MSL3: variants seen among roughly 807,000 people sequenced by gnomAD.
MSL3 encodes MSL3-like 1.
A neutral mutation model predicts 37.2 loss-of-function variants in MSL3; 5 were observed. The ratio of observed to expected loss-of-function variants is 0.13; its 90% CI spans 0.07 to 0.28. The LOEUF is 0.28. MSL3 is among the 10% of genes least tolerant of loss of function. MSL3 has a pLI of 1.00. For missense variants in MSL3, 315 were observed against 408.5 expected (o/e 0.77, Z 1.97); for synonymous variants, 149 against 147.6 (o/e 1.01, Z -0.07).
At chrX:11,765,325 C>T in intron 8 of MSL3, 142 bp from the exon 9 acceptor site, 4 of 654,602 alleles carry the variant, frequency 6.1e-6, no homozygotes, top group Non-Finnish European at 8.9e-6. Context: ...GCGTGCCTTG[C>T]AGAGTTATGG....
chrX:11,772,070 A>G lies in MSL3; in HGVS notation c.1282-86A>G. On this transcript the variant is annotated intron_variant, in intron 10 of 12. Coordinates refer to ENST00000312196, the MANE Select transcript of MSL3 (RefSeq NM_078629.4). ...TCCAATCACTTATTTTTTCCCCTCT[A>G]CGTACAATTTACTGTCATAATTGTT... is the stretch of plus-strand genomic sequence containing the variant. 4 of 636,278 alleles carry G rather than the reference A, an allele frequency of 6.3e-6. No homozygotes were observed. The South Asian group carries it at 1.1e-4, about 17-fold the overall frequency. The allele number at this position is 636,278 out of a possible 1,213,427, so 52.4% of individuals were successfully genotyped here.
At chrX:11,765,172 G>T (rs73188562) in intron 8 of MSL3, among the ~76,000 whole-genome samples, 19 of 111,892 alleles carry the variant, frequency 1.7e-4, no homozygotes, top group African/African-American at 6.2e-4. Context: ...CACTAGATGC[G>T]GATAACACCT....
chrX:11,759,089 C>A (rs2053101795), intron 1 of MSL3, among the ~76,000 whole-genome samples: 1 of 111,736 alleles, frequency 8.9e-6, no homozygotes, highest in South Asian at 3.7e-4. Flanking sequence ...CTCCCAGATC[C>A]CCAAGGAAAG....
At chrX:11,759,903 A>G (rs2053113475) in intron 2 of MSL3, 28 bp downstream of exon 2, 1 of 1,200,371 alleles carries the variant, frequency 8.3e-7, no homozygotes. Context: ...ACCAGACTGA[A>G]AATTGATTGT....
intron 1 of MSL3, 142 bp from the exon 2 acceptor site, chrX:11,759,646 TGAAAG>T (rs1472007693): frequency 2.4e-5 from 27 of 1,104,816 alleles, no homozygotes; most frequent in Non-Finnish European, 3.2e-5. Flanking sequence ...GGGAAAAAAA[TGAAAG>T]GAAAAATATT....
In MSL3 at chrX:11,760,863, G is replaced by A. The variant is rs768171462; in HGVS notation, c.308G>A (p.Arg103His). 6 of 1,198,744 alleles carry A rather than the reference G, an allele frequency of 5.0e-6. No individual in the cohort carries two copies. Among genetic ancestry groups the A allele is most frequent in the East Asian group, 6.0e-5 (2 of 33,468 alleles). The change falls in exon 4 of 13, where the codon CGC becomes CAC. Residue 103 changes from arginine to histidine, a missense_variant. By Grantham distance (29) the Arg-to-His change is conservative. Coordinates refer to ENST00000312196, the MANE Select transcript of MSL3 (RefSeq NM_078629.4). ...RLRSTGRKKK[R>H]CRLPGVDSVL... ...AGGAGCACAGGAAGAAAGAAGAAGC[G>A]CTGCAGGTTGCCTGGTGTGGACTCT...
intron 12 of MSL3, among the ~76,000 whole-genome samples, chrX:11,774,300 C>T (rs1252162311): frequency 1.8e-5 from 2 of 111,714 alleles, no homozygotes; most frequent in Non-Finnish European, 3.8e-5. Flanking sequence ...TGTTTATAAT[C>T]GTTTTTTATT....
chrX:11,774,965 A>ATTT lies in MSL3; in HGVS notation c.1467-7_1467-5dup. On this transcript the variant is annotated splice_polypyrimidine_tract_variant and intron_variant, in intron 12 of 12. Coordinates refer to ENST00000312196, the MANE Select transcript of MSL3 (RefSeq NM_078629.4). ...CCTTAGTATGGTGCTCATTGGGGCT[A>ATTT]TTTTTTTTTTCCAGGTTTTTAGCAG... 1 of 1,054,894 alleles carries ATTT rather than the reference A, an allele frequency of 9.5e-7. No individual in the cohort carries two copies. The highest frequency in any genetic ancestry group is 1.3e-6 in the Non-Finnish European group (1 of 774,647). 86.9% of individuals were successfully genotyped at this position (1,054,894 alleles called of 1,213,427 possible).
Position 11,758,687 on chromosome X carries a change from CG to C in MSL3, c.102+324del, listed in dbSNP as rs1165254438. 15 of 1,164,921 alleles carry C rather than the reference CG, an allele frequency of 1.3e-5. No homozygotes were observed. In the East Asian group the frequency reaches 4.9e-4, roughly 38 times the overall value. On this transcript the variant is annotated intron_variant, in intron 1 of 12. Transcript: ENST00000312196. ...GCTGAGGGAGGAGGCTTCTCGAATA[CG>C]GTTTCTGTCTTCGCGTTAAATGTCT...
At chrX:11,771,163 G>A (rs192444093) in intron 10 of MSL3, among the ~76,000 whole-genome samples, 45 of 112,482 alleles carry the variant, frequency 4.0e-4, no homozygotes, top group Admixed American at 3.3e-3. Flanking sequence ...GAGTTTGTGG[G>A]GGCATCTTTC....
chrX:11,758,975 T>C (rs2053100683), intron 1 of MSL3, among the ~76,000 whole-genome samples: 1 of 112,241 alleles, frequency 8.9e-6, no homozygotes, highest in South Asian at 3.6e-4. Context: ...CTGACCATAG[T>C]TGATGGGAAT....
intron 1 of MSL3, 57 bp from the exon 2 acceptor site, chrX:11,759,736 C>G: frequency 8.3e-7 from 1 of 1,205,486 alleles, no homozygotes; most frequent in Non-Finnish European, 1.1e-6. Flanking sequence ...TTTTCCTGAT[C>G]TAACTTCTAA....
chrX:11,773,508 T>C (rs1216118373), intron 12 of MSL3, among the ~76,000 whole-genome samples: 1 of 112,301 alleles, frequency 8.9e-6, no homozygotes, highest in Non-Finnish European at 1.9e-5. Flanking sequence ...TAAGAGATCC[T>C]TTCATGTAGG....
chrX:11,758,206 T>G, upstream of MSL3: 9 of 44,686 alleles, frequency 2.0e-4, no homozygotes, highest in Non-Finnish European at 3.8e-4. Flanking sequence ...CCGCCCGCCC[T>G]CCCCCACCGC....
intron 10 of MSL3, among the ~76,000 whole-genome samples, chrX:11,770,268 G>A (rs1340197257): frequency 8.9e-6 from 1 of 112,044 alleles, no homozygotes; most frequent in Non-Finnish European, 1.9e-5. Context: ...AGCCTAATTT[G>A]TGTTATGATG....
intron 7 of MSL3, 145 bp downstream of exon 7, chrX:11,763,142 T>A: frequency 3.9e-6 from 2 of 514,920 alleles, no homozygotes; most frequent in Non-Finnish European, 5.8e-6. Flanking sequence ...TTGAATCATC[T>A]AATATTAAAA....
intron 4 of MSL3, chrX:11,761,159 C>T: frequency 2.6e-6 from 1 of 391,708 alleles, no homozygotes; most frequent in Non-Finnish European, 4.4e-6. Flanking sequence ...CGGCCAGCAT[C>T]TTTGTACAAA....
chrX:11,767,843 A>T (rs903484040), intron 9 of MSL3: 1 of 742,029 alleles, frequency 1.3e-6, no homozygotes, highest in Non-Finnish European at 1.6e-6. Flanking sequence ...GGCATTTCAT[A>T]TAAATGGAAT....
intron 6 of MSL3, 33 bp from the exon 7 acceptor site, chrX:11,762,804 G>A (rs1391780284): frequency 6.0e-6 from 7 of 1,158,821 alleles, no homozygotes; most frequent in Non-Finnish European, 8.2e-6. Context: ...ACATTAGGAT[G>A]CATACATCAG....
Sources: allele counts gnomAD v4.1 joint callset (sites outside exome capture counted in the v4.1 genomes callset), GRCh38; gene constraint gnomAD v4.1.1; transcripts MANE v1.5; gene names NCBI Gene and HGNC (gene_info 2026-07-23, HGNC 2026-07-21).